Variants in SPTBN1 observed in about 807,000 individuals in gnomAD.
SPTBN1 encodes spectrin beta, non-erythrocytic 1, also known as spectrin beta chain, non-erythrocytic 1.
A neutral mutation model predicts 266.4 loss-of-function variants in SPTBN1; 32 were observed. The ratio of observed to expected loss-of-function variants is 0.12; its 90% CI spans 0.09 to 0.16. The LOEUF is 0.16. SPTBN1 is among the 10% of genes least tolerant of loss of function. The probability of loss-of-function intolerance (pLI) is 1.00; values close to 1 mark genes in which losing one functional copy is unlikely to be tolerated. For synonymous variants in SPTBN1, 1,336 were observed against 1,162.2 expected (o/e 1.15, Z -3.04); for missense variants, 2,296 against 3,067.1 (o/e 0.75, Z 5.94).
chr2:54,623,361 T>G, intron 9 of SPTBN1, 118 bp from the exon 10 acceptor site: 1 of 845,046 alleles, frequency 1.2e-6, no homozygotes, highest in Admixed American at 2.2e-5. Flanking sequence ...AACCTACTGA[T>G]GTCTCTTTGA....
At chr2:54,488,338 C>G (rs1009034664) in intron 1 of SPTBN1, among the ~76,000 whole-genome samples, 1 of 152,118 alleles carries the variant, frequency 6.6e-6, no homozygotes, top group Non-Finnish European at 1.5e-5. Flanking sequence ...AGACCAAGGA[C>G]CTTTCGGAGG....
chr2:54,662,746 T>A (rs191071047), intron 32 of SPTBN1: 62 of 152,292 alleles, frequency 4.1e-4, no homozygotes, highest in African/African-American at 1.3e-3. Context: ...AGGGTTTTGT[T>A]TTTTGTCTAT....
In SPTBN1 at chr2:54,533,022, C is replaced by T. The variant is rs985222801; in HGVS notation, c.148+6456C>T. Among the ~76,000 whole-genome samples, 6 of 151,832 alleles carry T rather than the reference C, an allele frequency of 4.0e-5. No homozygotes were observed. Among genetic ancestry groups the T allele is most frequent in the Admixed American group, 1.3e-4 (2 of 15,250 alleles). On this transcript the variant is annotated intron_variant, in intron 2 of 35. Transcript: ENST00000356805. This position sits in a 1 kb window ranked among gnomAD's most constrained non-coding sequence, Gnocchi z 4.2. ...TCACTTAAAGGAAGCATTTGACAGT[C>T]GCTTCTTTTTAGCATATCTGAATTG...
chr2:54,628,971 G>C lies in SPTBN1; in HGVS notation c.1837G>C (p.Val613Leu). ...TGACCCCCAGGTGATCCGAGACCGCGTGGCCCACATGGAGTTCTGTTATCA... is the reference window on the plus strand; with the variant it reads ...TGACCCCCAGGTGATCCGAGACCGCCTGGCCCACATGGAGTTCTGTTATCA... The part of the protein sequence containing the change: ...PCDPQVIRDR[V>L]AHMEFCYQEL... The change falls in exon 14 of 36, where the codon GTG (valine) becomes CTG (leucine). Residue 613 changes from valine (V) to leucine (L), a missense_variant. This residue lies in a region of SPTBN1 where 434 missense variants were observed against 573.9 expected (regional missense o/e 0.76). Transcript: ENST00000356805. This position sits in a 1 kb window ranked among gnomAD's most constrained non-coding sequence, Gnocchi z 4.3. 1.2e-6 allele frequency: 2 copies of C among 1,612,812 alleles called. No individual in the cohort carries two copies. Among genetic ancestry groups the C allele is most frequent in the Non-Finnish European group, 1.7e-6 (2 of 1,179,398 alleles).
chr2:54,490,146 A>C (rs568331898), intron 1 of SPTBN1, among the ~76,000 whole-genome samples: 1 of 149,168 alleles, frequency 6.7e-6, no homozygotes, highest in East Asian at 2.0e-4. Context: ...ATCTCAGCTC[A>C]CTGCAACCTC....
At chr2:54,661,205 G>T in intron 32 of SPTBN1, 1 of 985,622 alleles carries the variant, frequency 1.0e-6, no homozygotes, top group South Asian at 4.7e-5. Flanking sequence ...CCACCAGCAG[G>T]AATTGAAAAT....
At chr2:54,607,702 G>A (rs4557016) in intron 3 of SPTBN1, among the ~76,000 whole-genome samples, 47,044 of 152,028 alleles carry the variant, frequency 0.31, 7,907 homozygotes, top group Admixed American at 0.36. Context: ...TTATATAAGC[G>A]ACTTGAGCAT....
Position 54,653,461 on chromosome 2 carries a change from C to T in SPTBN1, c.5578-148C>T. 7.8e-7 allele frequency: 1 copy of T among 1,277,860 alleles called. No homozygotes were observed. Among genetic ancestry groups the T allele is most frequent in the Non-Finnish European group, 1.1e-6 (1 of 948,286 alleles). The allele number at this position is 1,277,860 out of a possible 1,614,324, so 79.2% of individuals were successfully genotyped here. The stretch of plus-strand genomic sequence containing the variant: ...CGGGTTTTTGTGACTTGGATCTCCC[C>T]AGTGAAATTGAGGGCTCCTTAAGGG... On this transcript the variant is annotated intron_variant, in intron 26 of 35. Coordinates refer to ENST00000356805, the MANE Select transcript of SPTBN1 (RefSeq NM_003128.3). The surrounding 1 kb of genome is among the most constrained non-coding windows in gnomAD (Gnocchi z 5.1).
chr2:54,521,973 C>T (rs1670468672), intron 1 of SPTBN1, among the ~76,000 whole-genome samples: 2 of 152,138 alleles, frequency 1.3e-5, no homozygotes, highest in Non-Finnish European at 2.9e-5. Flanking sequence ...TTATGGTTCA[C>T]TGCAACCTCC....
rs1465609582 is a variant in SPTBN1 at position 54,653,672 on chromosome 2, G to A, written c.5641G>A (p.Asp1881Asn). 1.9e-6 allele frequency: 3 copies of A among 1,614,142 alleles called. No individual in the cohort carries two copies. The highest frequency in any genetic ancestry group is 1.1e-5 in the South Asian group (1 of 91,080). ...QAAYAGDKAD[D>N]IQKRENEVLE... ...GGCCTATGCGGGTGACAAGGCCGAC[G>A]ATATCCAGAAGCGCGAGAACGAGGT... Residue 1881 changes from aspartate (D) to asparagine (N), a missense_variant, in exon 27 of 36, where the codon GAT (aspartate) becomes AAT (asparagine). Asp to Asn is a conservative substitution (Grantham distance 23). Transcript: ENST00000356805. This position sits in a 1 kb window ranked among gnomAD's most constrained non-coding sequence, Gnocchi z 5.1.
intron 2 of SPTBN1, among the ~76,000 whole-genome samples, chr2:54,559,382 C>A (rs1445706592): frequency 6.6e-6 from 1 of 152,086 alleles, no homozygotes; most frequent in Non-Finnish European, 1.5e-5. Flanking sequence ...TATTCAGAAG[C>A]TTAATTTTAA....
chr2:54,636,804 C>G (rs1300272755), intron 17 of SPTBN1, among the ~76,000 whole-genome samples: 2 of 152,230 alleles, frequency 1.3e-5, no homozygotes, highest in African/African-American at 2.4e-5. Flanking sequence ...GACTGGCTTT[C>G]TTGTTTAGGC....
intron 30 of SPTBN1, among the ~76,000 whole-genome samples, chr2:54,658,257 C>G (rs963882651): frequency 6.6e-6 from 1 of 152,136 alleles, no homozygotes; most frequent in Non-Finnish European, 1.5e-5. Flanking sequence ...ATCCTGGGCA[C>G]CTGGATTTAT....
At chr2:54,507,090 T>G (rs1669611763) in intron 1 of SPTBN1, among the ~76,000 whole-genome samples, 1 of 151,896 alleles carries the variant, frequency 6.6e-6, no homozygotes, top group Admixed American at 6.6e-5. Context: ...GTGGGGAGAT[T>G]ATATAGAACC....
intron 1 of SPTBN1, among the ~76,000 whole-genome samples, chr2:54,493,798 G>A (rs1230454576): frequency 2.0e-5 from 3 of 152,220 alleles, no homozygotes; most frequent in Non-Finnish European, 4.4e-5. Context: ...GCTTTTCTTT[G>A]TGTAGCCCAT....
At chr2:54,660,528 A>G (rs1365445083) in intron 32 of SPTBN1, 1 of 986,184 alleles carries the variant, frequency 1.0e-6, no homozygotes, top group African/African-American at 1.7e-5. Flanking sequence ...GAGGAGGGAG[A>G]CATTCTGTAA....
chr2:54,598,073 A>C (rs1676221618), intron 2 of SPTBN1, among the ~76,000 whole-genome samples: 1 of 152,078 alleles, frequency 6.6e-6, no homozygotes. Context: ...GTCTTCAGCA[A>C]CCTATGTTTA....
intron 1 of SPTBN1, among the ~76,000 whole-genome samples, chr2:54,509,024 A>G (rs1669719436): frequency 1.3e-5 from 2 of 152,220 alleles, no homozygotes; most frequent in South Asian, 4.1e-4. Context: ...GTGAGGGCTC[A>G]AGTTAAGGCA....
At chr2:54,635,366 C>G (rs1332395822) in intron 17 of SPTBN1, among the ~76,000 whole-genome samples, 1 of 152,238 alleles carries the variant, frequency 6.6e-6, no homozygotes, top group African/African-American at 2.4e-5. Flanking sequence ...TCCCAGATGC[C>G]TGTGTGGCTG....
Sources: allele counts gnomAD v4.1 joint callset (sites outside exome capture counted in the v4.1 genomes callset), GRCh38; gene constraint gnomAD v4.1.1; regional missense constraint gnomAD v4.1.1; non-coding constraint Gnocchi (gnomAD v3.1); transcripts MANE v1.5; gene names NCBI Gene and HGNC (gene_info 2026-07-23, HGNC 2026-07-21).